CAMK1D: variants seen among roughly 807,000 people sequenced by gnomAD.
The protein encoded by CAMK1D is calcium/calmodulin dependent protein kinase ID, also known as calcium/calmodulin-dependent protein kinase type 1D.
A neutral mutation model predicts 47.7 loss-of-function variants in CAMK1D; 9 were observed. That is an observed-to-expected ratio of 0.19 (90% CI 0.11 to 0.33). CAMK1D has a LOEUF of 0.33. CAMK1D is among the 10% of genes least tolerant of loss of function. The pLI, the probability that CAMK1D is intolerant of heterozygous loss-of-function variation, is 1.00. For synonymous variants in CAMK1D, 184 were observed against 184.9 expected, an observed-to-expected ratio of 0.99 and a Z score of 0.04; for missense variants, 291 against 488.7, an observed-to-expected ratio of 0.60 and a Z score of 3.81.
At chr10:12,626,087 T>C (rs1335112941) in intron 2 of CAMK1D, among the ~76,000 whole-genome samples, 7 of 152,256 alleles carry the variant, frequency 4.6e-5, no homozygotes, top group Admixed American at 4.6e-4. Flanking sequence ...AGGTGTCTGA[T>C]GTTAACATTT....
intron 1 of CAMK1D, among the ~76,000 whole-genome samples, chr10:12,462,490 A>G (rs1032167201): frequency 1.3e-5 from 2 of 151,558 alleles, no homozygotes; most frequent in African/African-American, 4.8e-5. Context: ...TTTTTGAATA[A>G]ATGGTTATAA....
chr10:12,740,905 A>T (rs1255102939), intron 3 of CAMK1D, among the ~76,000 whole-genome samples: 1 of 152,086 alleles, frequency 6.6e-6, no homozygotes, highest in African/African-American at 2.4e-5. Flanking sequence ...TGCCAGTGGG[A>T]GTTAATAATC....
At chr10:12,443,388 C>T (rs7894869) in intron 1 of CAMK1D, among the ~76,000 whole-genome samples, 1,912 of 151,990 alleles carry the variant, frequency 0.013, 23 homozygotes, top group East Asian at 0.056. Context: ...CTTGTAGTTG[C>T]AATATAGTGT....
rs540337941 is a variant in CAMK1D at position 12,362,619 on chromosome 10, T to G, written c.92+12709T>G. On this transcript the variant is annotated intron_variant, in intron 1 of 10. Coordinates refer to ENST00000619168, the MANE Select transcript of CAMK1D (RefSeq NM_153498.4). ...TTCCCGCCATTCTCCTGCCTCAGCC[T>G]CCCGAGTAGCTGGGACTACAGGCGC... Among the ~76,000 whole-genome samples the G allele has an allele frequency of 1.8e-3, 267 of 152,282 alleles. 1 individual carries two copies. The highest frequency in any genetic ancestry group is 6.1e-3 in the African/African-American group (254 of 41,558).
chr10:12,833,724 G>T lies in CAMK1D; in HGVS notation c.*4837G>T, dbSNP rs931576095. On this transcript the variant is annotated 3_prime_UTR_variant, in exon 11 of 11. Coordinates refer to ENST00000619168, the MANE Select transcript of CAMK1D (RefSeq NM_153498.4). The stretch of plus-strand genomic sequence containing the variant: ...CTCCTCCCGTTTTTCATAAACAGAA[G>T]TAAGATGTCCTCTTTCCCAGGTTTG... 1 of 152,172 alleles carries T rather than the reference G, an allele frequency of 6.6e-6. No individual in the cohort carries two copies. Among genetic ancestry groups the T allele is most frequent in the African/African-American group, 2.4e-5 (1 of 41,434 alleles). 9.4% of individuals were successfully genotyped at this position (152,172 alleles called of 1,614,324 possible).
At chr10:12,705,748 C>CT (rs1833706894) in intron 3 of CAMK1D, among the ~76,000 whole-genome samples, 1 of 152,212 alleles carries the variant, frequency 6.6e-6, no homozygotes, top group African/African-American at 2.4e-5. Context: ...GACATGCTTT[C>CT]TGTCAGTATC....
intron 1 of CAMK1D, among the ~76,000 whole-genome samples, chr10:12,382,756 C>T (rs1027215055): frequency 2.0e-5 from 3 of 152,062 alleles, no homozygotes; most frequent in South Asian, 2.1e-4. Flanking sequence ...ACTCGGGAGG[C>T]GGAGGTTGCA....
intron 6 of CAMK1D, among the ~76,000 whole-genome samples, chr10:12,809,107 ACT>A (rs1171051398): frequency 7.4e-6 from 1 of 134,404 alleles, no homozygotes; most frequent in Non-Finnish European, 1.5e-5. Context: ...ACAGAGTGAA[ACT>A]CTGTCTCAAA....
intron 1 of CAMK1D, among the ~76,000 whole-genome samples, chr10:12,530,582 T>C (rs1319599732): frequency 2.0e-5 from 3 of 152,210 alleles, no homozygotes; most frequent in Admixed American, 6.5e-5. Context: ...AATCCTGTTA[T>C]AGGAATGTTT....
intron 3 of CAMK1D, among the ~76,000 whole-genome samples, chr10:12,696,380 C>T (rs769569392): frequency 8.9e-4 from 136 of 152,114 alleles, no homozygotes; most frequent in Middle Eastern, 6.8e-3. Context: ...CTACTAAAAA[C>T]ACAACAATTA....
At chr10:12,351,462 T>A (rs1037038813) in intron 1 of CAMK1D, among the ~76,000 whole-genome samples, 11 of 152,152 alleles carry the variant, frequency 7.2e-5, no homozygotes, top group African/African-American at 2.4e-4. Context: ...CCTTTGCTTG[T>A]CATCCAGGAC....
At chr10:12,482,393 T>C (rs1247068405) in intron 1 of CAMK1D, among the ~76,000 whole-genome samples, 3 of 152,212 alleles carry the variant, frequency 2.0e-5, no homozygotes, top group Non-Finnish European at 4.4e-5. Flanking sequence ...ACTTGTTTTA[T>C]AACACCCGGT....
At chr10:12,538,726 G>T (rs142757983) in intron 1 of CAMK1D, among the ~76,000 whole-genome samples, 1 of 152,130 alleles carries the variant, frequency 6.6e-6, no homozygotes, top group Non-Finnish European at 1.5e-5. Context: ...AGCCAGTACT[G>T]TGCAGAAAAC....
chr10:12,816,065 C>T (rs1328620856), intron 7 of CAMK1D, among the ~76,000 whole-genome samples, 185 bp from the exon 8 acceptor site: 1 of 152,152 alleles, frequency 6.6e-6, no homozygotes, highest in East Asian at 1.9e-4. Context: ...CCCTAGAGTG[C>T]CAAGTCCTGG....
At chr10:12,783,922 G>A (rs1195869878) in intron 5 of CAMK1D, among the ~76,000 whole-genome samples, 1 of 152,128 alleles carries the variant, frequency 6.6e-6, no homozygotes, top group Non-Finnish European at 1.5e-5. Flanking sequence ...GTTAATCGTG[G>A]TCTCTGAGAA....
chr10:12,618,165 C>T (rs1280754242), intron 2 of CAMK1D, among the ~76,000 whole-genome samples: 1 of 152,174 alleles, frequency 6.6e-6, no homozygotes, highest in Non-Finnish European at 1.5e-5. Context: ...TTCAACATTT[C>T]CTCATTTCCT....
At chr10:12,674,710 A>AT (rs1391782641) in intron 3 of CAMK1D, among the ~76,000 whole-genome samples, 8 of 148,032 alleles carry the variant, frequency 5.4e-5, no homozygotes, top group African/African-American at 1.7e-4. Context: ...TTCGTTTGGA[A>AT]TTTATTTCTC....
chr10:12,604,814 A>T (rs17151970), intron 2 of CAMK1D, among the ~76,000 whole-genome samples: 1 of 152,260 alleles, frequency 6.6e-6, no homozygotes, highest in African/African-American at 2.4e-5. Context: ...TTAGTTGACC[A>T]AAGCACCCTT....
chr10:12,607,299 T>C (rs957077679), intron 2 of CAMK1D, among the ~76,000 whole-genome samples: 1 of 152,178 alleles, frequency 6.6e-6, no homozygotes. Context: ...CATCTGCATG[T>C]CTCATTCTGT....
Sources: allele counts gnomAD v4.1 joint callset (sites outside exome capture counted in the v4.1 genomes callset), GRCh38; gene constraint gnomAD v4.1.1; transcripts MANE v1.5; gene names NCBI Gene and HGNC (gene_info 2026-07-23, HGNC 2026-07-21).